CACNA1E: variants seen among roughly 807,000 people sequenced by gnomAD.
CACNA1E encodes voltage-dependent R-type calcium channel subunit alpha-1E.
CACNA1E carries 40 observed loss-of-function variants against 259.2 expected under a neutral mutation model. The ratio of observed to expected loss-of-function variants is 0.15; its 90% confidence interval spans 0.12 to 0.20. The LOEUF (loss-of-function observed/expected upper bound fraction) is 0.20, where lower values mean the gene tolerates loss of function less well. Among genes scored for constraint, CACNA1E ranks in the 10% least tolerant of loss-of-function variants. The pLI, the probability that CACNA1E is intolerant of heterozygous loss-of-function variation, is 1.00. For synonymous variants in CACNA1E, 1,104 were observed against 1,138.5 expected (o/e 0.97, Z 0.61); for missense variants, 1,874 against 3,040.1 (o/e 0.62, Z 9.02).
chr1:181,490,515 G>A (rs1664216995), intron 1 of CACNA1E, among the ~76,000 whole-genome samples: 1 of 149,426 alleles, frequency 6.7e-6, no homozygotes, highest in African/African-American at 2.4e-5. Flanking sequence ...TTCAGAGAGA[G>A]GCCCTGCCTG....
intron 6 of CACNA1E, among the ~76,000 whole-genome samples, chr1:181,593,897 C>T (rs568394462): frequency 6.6e-6 from 1 of 152,150 alleles, no homozygotes; most frequent in Non-Finnish European, 1.5e-5. Flanking sequence ...TGGCAGTGTT[C>T]CTGAATGAGC....
chr1:181,551,809 C>G (rs1487959361), intron 3 of CACNA1E, among the ~76,000 whole-genome samples: 1 of 152,068 alleles, frequency 6.6e-6, no homozygotes, highest in Non-Finnish European at 1.5e-5. Flanking sequence ...GCACACCACT[C>G]CATTGTTGAA....
chr1:181,369,824 A>G (rs1363634883), intron 1 of CACNA1E, among the ~76,000 whole-genome samples: 1 of 152,218 alleles, frequency 6.6e-6, no homozygotes, highest in Non-Finnish European at 1.5e-5. Context: ...TTTTAGGCTC[A>G]AGGGTACATG....
intron 6 of CACNA1E, among the ~76,000 whole-genome samples, chr1:181,598,730 C>G (rs929004292): frequency 6.6e-6 from 1 of 152,192 alleles, no homozygotes; most frequent in Non-Finnish European, 1.5e-5. Flanking sequence ...GGGAATTAGT[C>G]TAATGAACTA....
intron 2 of CACNA1E, among the ~76,000 whole-genome samples, 166 bp downstream of exon 2, chr1:181,510,748 A>G (rs1666094111): frequency 6.6e-6 from 1 of 152,204 alleles, no homozygotes; most frequent in Admixed American, 6.5e-5. Context: ...TCACACGGAA[A>G]AGAAGAGATT....
chr1:181,760,202 A>AAT lies in CACNA1E; in HGVS notation c.4605+1340_4605+1341dup, dbSNP rs200545384. 5.4e-3 allele frequency among the ~76,000 whole-genome samples: 818 copies of AAT among 152,204 alleles called. 10 individuals carry two copies. Among genetic ancestry groups the AAT allele is most frequent in the African/African-American group, 0.019 (777 of 41,520 alleles). On this transcript the variant is annotated intron_variant, in intron 32 of 47. Transcript: ENST00000367573. ...ATGTGTCTAATTATGGTGAGTGCTG[A>AAT]ATATATACTCACAGCCTTAACTAGA...
intron 1 of CACNA1E, among the ~76,000 whole-genome samples, chr1:181,330,864 G>T (rs58021963): frequency 6.6e-6 from 1 of 152,124 alleles, no homozygotes; most frequent in African/African-American, 2.4e-5. Context: ...TAACCTCACA[G>T]GATTTGTGTA....
At chr1:181,658,102 T>G (rs1301492149) in intron 7 of CACNA1E, among the ~76,000 whole-genome samples, 1 of 152,238 alleles carries the variant, frequency 6.6e-6, no homozygotes, top group Non-Finnish European at 1.5e-5. Context: ...TTAAGACAGA[T>G]TCTTACTATA....
chr1:181,710,316 C>G (rs1447142399), intron 7 of CACNA1E, among the ~76,000 whole-genome samples: 2 of 151,712 alleles, frequency 1.3e-5, no homozygotes, highest in African/African-American at 4.8e-5. Flanking sequence ...TTGAAGTCAT[C>G]AGGCTCATTG....
intron 1 of CACNA1E, among the ~76,000 whole-genome samples, chr1:181,366,323 A>G (rs548191655): frequency 6.6e-6 from 1 of 152,296 alleles, no homozygotes; most frequent in Non-Finnish European, 1.5e-5. Context: ...ACGCTGGCTC[A>G]AGGCAATGCA....
intron 3 of CACNA1E, among the ~76,000 whole-genome samples, chr1:181,534,125 G>A (rs1221819859): frequency 6.6e-6 from 1 of 151,880 alleles, no homozygotes; most frequent in Non-Finnish European, 1.5e-5. Context: ...GTCTTATTTT[G>A]TTCCTTATTT....
At position 181,483,708 on chromosome 1, in the gene CACNA1E, T is replaced by A. The variant is rs1663510535; in HGVS notation, c.-37T>A. On this transcript the variant is annotated 5_prime_UTR_variant, in exon 1 of 48. Transcript: ENST00000367573. ...GCTGTGTGCGGGTGTTCGGCCGCGA[T>A]CACCTTTGTGTGTCTTCTGTCTGTT... 6.6e-7 allele frequency: 1 copy of A among 1,516,760 alleles called. No individual in the cohort carries two copies. The highest frequency in any genetic ancestry group is 1.4e-5 in the African/African-American group (1 of 71,270). The allele number at this position is 1,516,760 out of a possible 1,614,324, so 94.0% of individuals were successfully genotyped here.
Position 181,395,633 on chromosome 1 carries a change from A to G in CACNA1E, c.-14-17500A>G, listed in dbSNP as rs550367908. ...TATTTGGAACTTTCAACAAGCAGGT[A>G]CCAAGAACCTCCTCCTGGGTTTGTG... is the stretch of plus-strand genomic sequence containing the variant. On this transcript the variant is annotated intron_variant, in intron 1 of 11. Coordinates refer to the CACNA1E transcript ENST00000524607. Among the ~76,000 whole-genome samples the G allele has an allele frequency of 8.3e-4, 126 of 152,230 alleles. 1 individual carries two copies. The highest frequency in any genetic ancestry group is 1.6e-3 in the Non-Finnish European group (107 of 68,044).
At chr1:181,411,897 A>G (rs948519085) in intron 1 of CACNA1E, among the ~76,000 whole-genome samples, 1 of 152,278 alleles carries the variant, frequency 6.6e-6, no homozygotes, top group Non-Finnish European at 1.5e-5. Flanking sequence ...GGCGTGAGCC[A>G]CTGCGCCCAG....
At chr1:181,438,764 G>C (rs2102283911) in intron 2 of CACNA1E, among the ~76,000 whole-genome samples, 1 of 152,340 alleles carries the variant, frequency 6.6e-6, no homozygotes, top group South Asian at 2.1e-4. Flanking sequence ...TATTTTGGAA[G>C]AATCTAGTGA....
At chr1:181,394,122 G>A (rs1447155531) in intron 1 of CACNA1E, among the ~76,000 whole-genome samples, 5 of 152,194 alleles carry the variant, frequency 3.3e-5, no homozygotes, top group Non-Finnish European at 7.3e-5. Context: ...GTCCAGGTGT[G>A]TGTGGAAGGT....
At chr1:181,426,510 T>C (rs78159525) in intron 2 of CACNA1E, among the ~76,000 whole-genome samples, 56,140 of 128,512 alleles carry the variant, frequency 0.44, 11,632 homozygotes, top group African/African-American at 0.5. Context: ...AACCCCTTCC[T>C]GTCTCAACCC....
chr1:181,596,600 A>C (rs1027278931), intron 6 of CACNA1E, among the ~76,000 whole-genome samples: 8 of 88,690 alleles, frequency 9.0e-5, no homozygotes, highest in Non-Finnish European at 1.9e-4. Context: ...GTGTGTGTAC[A>C]CACACATATT....
intron 1 of CACNA1E, among the ~76,000 whole-genome samples, chr1:181,355,727 A>T (rs1378300046): frequency 2.6e-5 from 4 of 152,246 alleles, no homozygotes; most frequent in African/African-American, 9.6e-5. Context: ...GGCCCCCTTT[A>T]AAAGAGAGCT....
Sources: allele counts gnomAD v4.1 joint callset (sites outside exome capture counted in the v4.1 genomes callset), GRCh38; gene constraint gnomAD v4.1.1; transcripts MANE v1.5; gene names NCBI Gene and HGNC (gene_info 2026-07-23, HGNC 2026-07-21).